TAFA2: variants seen among roughly 807,000 people sequenced by gnomAD.
TAFA2 encodes the protein TAFA chemokine like family member 2, also known as chemokine-like protein TAFA-2.
Under a neutral mutation model 18.8 loss-of-function variants are expected in TAFA2, and 7 were observed. That is an observed-to-expected ratio of 0.37 (90% confidence interval 0.21 to 0.70). The LOEUF is 0.70. Among genes scored for constraint, TAFA2 ranks in the 30% least tolerant of loss-of-function variants. The pLI, the probability that TAFA2 is intolerant of heterozygous loss-of-function variation, is 0.53. For synonymous variants in TAFA2, 60 were observed against 54.2 expected (o/e 1.11, Z -0.47); for missense variants, 122 against 158.1 (o/e 0.77, Z 1.23).
intron 2 of TAFA2, among the ~76,000 whole-genome samples, chr12:61,790,733 A>G (rs1419046519): frequency 1.3e-5 from 2 of 151,906 alleles, no homozygotes; most frequent in African/African-American, 4.8e-5. Context: ...ATAATCTGAT[A>G]GACATTTCTT....
intron 1 of TAFA2, among the ~76,000 whole-genome samples, chr12:61,998,393 T>G (rs1880271061): frequency 6.6e-6 from 1 of 152,190 alleles, no homozygotes; most frequent in Non-Finnish European, 1.5e-5. Context: ...CTTAAAAAGA[T>G]AGCGCTCTCA....
At chr12:61,964,552 GC>G (rs1879004833) in intron 1 of TAFA2, among the ~76,000 whole-genome samples, 1 of 151,572 alleles carries the variant, frequency 6.6e-6, no homozygotes, top group Non-Finnish European at 1.5e-5. Flanking sequence ...GCTCAAGTCT[GC>G]CCCTGCCCCA....
chr12:61,812,072 C>G (rs780065868), intron 2 of TAFA2, among the ~76,000 whole-genome samples: 1 of 151,364 alleles, frequency 6.6e-6, no homozygotes, highest in Non-Finnish European at 1.5e-5. Context: ...ACTCAAAAAT[C>G]TCATGGGGCC....
rs558842300 is a variant in TAFA2, at chr12:62,159,460, G to T, written c.-2+31799C>A. On this transcript the variant is annotated intron_variant, in intron 1 of 4. Coordinates refer to ENST00000416284, the MANE Select transcript of TAFA2 (RefSeq NM_178539.5). ...CCATTTAGGAATTACAACTCAGGAA[G>T]AAACATTCTAAAAGGAACAGACTGT... 1.3e-5 allele frequency among the ~76,000 whole-genome samples: 2 copies of T among 152,150 alleles called. 1 individual carries two copies. Among genetic ancestry groups the T allele is most frequent in the South Asian group, 4.1e-4 (2 of 4,832 alleles).
chr12:61,739,050 T>C (rs924249672), intron 4 of TAFA2, among the ~76,000 whole-genome samples: 5 of 152,078 alleles, frequency 3.3e-5, no homozygotes, highest in Admixed American at 2.6e-4. Flanking sequence ...GTGTGTTACA[T>C]ATATAAACTA....
intron 1 of TAFA2, among the ~76,000 whole-genome samples, chr12:61,954,519 T>C (rs536905811): frequency 6.6e-6 from 1 of 152,202 alleles, no homozygotes; most frequent in Non-Finnish European, 1.5e-5. Flanking sequence ...CTTACCTGTG[T>C]AGTTACTAAT....
At chr12:61,771,886 A>T (rs940853680) in intron 2 of TAFA2, among the ~76,000 whole-genome samples, 8 of 140,572 alleles carry the variant, frequency 5.7e-5, no homozygotes, top group African/African-American at 2.1e-4. Context: ...CAAAGGTTAG[A>T]CCAGAACTAA....
In TAFA2 at chr12:62,221,216, GGGAAGGAAGGAAGGAA is replaced by G. The variant is rs371693194; in HGVS notation, c.-130+37531_-130+37546del. Among the ~76,000 whole-genome samples, 103 of 78,856 alleles carry G rather than the reference GGGAAGGAAGGAAGGAA, an allele frequency of 1.3e-3. 1 individual carries two copies. Among genetic ancestry groups the G allele is most frequent in the African/African-American group, 4.5e-3 (95 of 21,136 alleles). 51.7% of individuals were successfully genotyped at this position (78,856 alleles called of 152,430 possible). ...AAGGAAGGAGGGAAGGAAGGAAGGG[GGGAAGGAAGGAAGGAA>G]GGAAGGAAGGAAGGAAGGAAGGAAG... On this transcript the variant is annotated intron_variant, in intron 1 of 5. Transcript: ENST00000551619.
chr12:61,932,408 G>A (rs897938381), intron 1 of TAFA2, among the ~76,000 whole-genome samples: 3 of 152,168 alleles, frequency 2.0e-5, no homozygotes, highest in East Asian at 1.9e-4. Flanking sequence ...AGTGAAAAGT[G>A]GAAGGTGAAA....
intron 1 of TAFA2, among the ~76,000 whole-genome samples, chr12:62,118,866 A>C (rs1565750655): frequency 6.6e-6 from 1 of 152,158 alleles, no homozygotes; most frequent in Non-Finnish European, 1.5e-5. Flanking sequence ...TCCGTTATGT[A>C]GATTGTCAAC....
At position 61,734,004 on chromosome 12, in the gene TAFA2, G is replaced by A. The variant is rs9668036; in HGVS notation, c.384+19618C>T. On this transcript the variant is annotated intron_variant, in intron 4 of 4. Coordinates refer to ENST00000416284, the MANE Select transcript of TAFA2 (RefSeq NM_178539.5). Reference sequence around the variant, plus strand: ...GGTCCTTCACATCCCTTGTAAGTTGGATTCCTAGGTATTTTATTCTCTTTG... The same window carrying A: ...GGTCCTTCACATCCCTTGTAAGTTGAATTCCTAGGTATTTTATTCTCTTTG... Among the ~76,000 whole-genome samples, 478 of 147,798 alleles carry A rather than the reference G, an allele frequency of 3.2e-3. 3 individuals are homozygous for A. Among genetic ancestry groups the A allele is most frequent in the African/African-American group, 0.011 (445 of 39,738 alleles).
intron 1 of TAFA2, among the ~76,000 whole-genome samples, chr12:61,930,274 GC>G (rs1197802968): frequency 6.6e-6 from 1 of 152,064 alleles, no homozygotes. Context: ...CCATAAATTG[GC>G]AAGATTAAGC....
intron 1 of TAFA2, among the ~76,000 whole-genome samples, chr12:62,056,497 G>A (rs1882191458): frequency 6.6e-6 from 1 of 152,190 alleles, no homozygotes; most frequent in African/African-American, 2.4e-5. Flanking sequence ...TGTATTGGTG[G>A]AAGAAATTGT....
At chr12:62,042,462 T>C (rs1445914791) in intron 1 of TAFA2, among the ~76,000 whole-genome samples, 2 of 150,906 alleles carry the variant, frequency 1.3e-5, no homozygotes, top group Admixed American at 1.3e-4. Context: ...ACATGCATAA[T>C]GCAAGTATGT....
At chr12:61,824,604 A>G (rs1872465387) in intron 2 of TAFA2, among the ~76,000 whole-genome samples, 1 of 152,222 alleles carries the variant, frequency 6.6e-6, no homozygotes, top group Non-Finnish European at 1.5e-5. Flanking sequence ...ACTGAAATAA[A>G]GCACATCTTA....
At chr12:61,726,325 G>T (rs543893582) in intron 4 of TAFA2, among the ~76,000 whole-genome samples, 1 of 151,700 alleles carries the variant, frequency 6.6e-6, no homozygotes, top group Non-Finnish European at 1.5e-5. Context: ...TGCTTTTGGC[G>T]GTATGCTTAT....
intron 2 of TAFA2, among the ~76,000 whole-genome samples, chr12:61,804,784 T>A (rs1445557886): frequency 6.6e-6 from 1 of 152,064 alleles, no homozygotes; most frequent in East Asian, 1.9e-4. Flanking sequence ...CTATACCTGC[T>A]ATTATTACTA....
At chr12:62,213,332 T>C (rs186316878) in intron 1 of TAFA2, among the ~76,000 whole-genome samples, 2 of 152,268 alleles carry the variant, frequency 1.3e-5, no homozygotes, top group Admixed American at 1.3e-4. Flanking sequence ...TAAGTTCAAT[T>C]TGTTAAATAA....
intron 1 of TAFA2, among the ~76,000 whole-genome samples, chr12:61,915,633 C>G (rs1421448332): frequency 1.3e-5 from 2 of 152,230 alleles, no homozygotes; most frequent in African/African-American, 4.8e-5. Flanking sequence ...AGCAGGGAAG[C>G]CAATTGTGTA....
Sources: allele counts gnomAD v4.1 joint callset (sites outside exome capture counted in the v4.1 genomes callset), GRCh38; gene constraint gnomAD v4.1.1; transcripts MANE v1.5; gene names NCBI Gene and HGNC (gene_info 2026-07-23, HGNC 2026-07-21).